Variants in EDDM3A observed in about 807,000 individuals in gnomAD.
The protein encoded by EDDM3A is epididymal secretory protein E3-alpha.
For synonymous variants in EDDM3A, 75 were observed against 60.4 expected (o/e 1.24, Z -1.12); for missense variants, 199 against 177.4 (o/e 1.12, Z -0.69).
At chr14:20,741,503 G>A (rs748338997), upstream of EDDM3A, among the ~76,000 whole-genome samples, 40 of 152,144 alleles carry the variant, frequency 2.6e-4, no homozygotes, top group Non-Finnish European at 4.4e-4. Flanking sequence ...ACCATGGCAC[G>A]GACCCACCAT....
chr14:20,741,616 T>C (rs1409863936), upstream of EDDM3A, among the ~76,000 whole-genome samples: 1 of 152,094 alleles, frequency 6.6e-6, no homozygotes, highest in Non-Finnish European at 1.5e-5. Flanking sequence ...AGGAAGGCCA[T>C]TGGAAAAAAG....
At chr14:20,737,450 T>C in the EDDM3A span, among the ~76,000 whole-genome samples, 1 of 152,106 alleles carries the variant, frequency 6.6e-6, no homozygotes, top group Non-Finnish European at 1.5e-5. Flanking sequence ...CTGTCATCTG[T>C]ATGTAAGCTA....
At chr14:20,737,309 A>C in the EDDM3A span, among the ~76,000 whole-genome samples, 1 of 151,748 alleles carries the variant, frequency 6.6e-6, no homozygotes, top group Non-Finnish European at 1.5e-5. Context: ...TGATCTGCCC[A>C]CCTCGGCTTC....
upstream of EDDM3A, among the ~76,000 whole-genome samples, chr14:20,741,176 A>C (rs187034487): frequency 1.9e-3 from 293 of 152,322 alleles, no homozygotes; most frequent in Middle Eastern, 6.8e-3. Context: ...AGCCTTAAGA[A>C]AGTTCAGGAA....
At chr14:20,739,121 C>T in the EDDM3A span, among the ~76,000 whole-genome samples, 5,466 of 152,212 alleles carry the variant, frequency 0.036, 343 homozygotes, top group African/African-American at 0.12. Context: ...TACCTTGTGG[C>T]GGCATATTCT....
At chr14:20,740,878 C>T in the EDDM3A span, among the ~76,000 whole-genome samples, 1 of 140,814 alleles carries the variant, frequency 7.1e-6, no homozygotes, top group East Asian at 1.9e-4. Flanking sequence ...CCTAATTTGG[C>T]CAGGGAACCA....
chr14:20,747,665 T>A lies in EDDM3A; in HGVS notation c.85T>A (p.Tyr29Asn). 1 of 1,614,174 alleles carries A rather than the reference T, an allele frequency of 6.2e-7. No individual in the cohort carries two copies. The highest frequency in any genetic ancestry group is 8.5e-7 in the Non-Finnish European group (1 of 1,180,016). Residue 29 changes from tyrosine to asparagine, a missense_variant, in exon 2 of 2, where the codon TAC becomes AAC. Coordinates refer to ENST00000326842, the MANE Select transcript of EDDM3A (RefSeq NM_006683.5). ...GCTGTGTGTATACAGTAACAACATT[T>A]ACTGGAGAGAATTCATAAAACTTCA... ...CRLCVYSNNIYWREFIKLHYL... is the reference protein window; with the variant it reads ...CRLCVYSNNINWREFIKLHYL...
chr14:20,745,781 G>A (rs1368765190), upstream of EDDM3A: 1 of 152,162 alleles, frequency 6.6e-6, no homozygotes, highest in African/African-American at 2.4e-5. Context: ...CAGATGAAAC[G>A]ATACAGGGAC....
the EDDM3A span, among the ~76,000 whole-genome samples, chr14:20,738,521 C>T: frequency 2.0e-5 from 3 of 149,818 alleles, no homozygotes; most frequent in African/African-American, 7.4e-5. Context: ...AGTAGCTCCT[C>T]CTCAATGGTC....
upstream of EDDM3A, among the ~76,000 whole-genome samples, chr14:20,742,512 C>G (rs1338813715): frequency 6.6e-6 from 1 of 152,204 alleles, no homozygotes; most frequent in Non-Finnish European, 1.5e-5. Context: ...GGTGTGTGGC[C>G]TGATGCCTAC....
the EDDM3A span, among the ~76,000 whole-genome samples, chr14:20,736,367 C>T: frequency 2.0e-5 from 3 of 152,186 alleles, no homozygotes; most frequent in Non-Finnish European, 2.9e-5. Flanking sequence ...ACCTCGGCCT[C>T]CCAAAGTGCT....
chr14:20,739,227 A>T, the EDDM3A span, among the ~76,000 whole-genome samples: 1 of 152,236 alleles, frequency 6.6e-6, no homozygotes, highest in Non-Finnish European at 1.5e-5. Flanking sequence ...TCAAAACAGT[A>T]TAGGAGGAAA....
chr14:20,744,030 T>C (rs532932211), upstream of EDDM3A, among the ~76,000 whole-genome samples: 8 of 152,206 alleles, frequency 5.3e-5, no homozygotes, highest in Non-Finnish European at 1.0e-4. Flanking sequence ...CCCACCTCTC[T>C]ACATTCATTG....
At chr14:20,745,104 T>C (rs1877542032), upstream of EDDM3A, among the ~76,000 whole-genome samples, 1 of 151,944 alleles carries the variant, frequency 6.6e-6, no homozygotes, top group Non-Finnish European at 1.5e-5. Context: ...TGCATGCCTA[T>C]AGTCCCAGCT....
chr14:20,743,076 T>C (rs1376254399), upstream of EDDM3A, among the ~76,000 whole-genome samples: 2 of 152,188 alleles, frequency 1.3e-5, no homozygotes, highest in Non-Finnish European at 2.9e-5. Context: ...AGATGTAATT[T>C]TCTGCACTGC....
At chr14:20,744,890 C>T (rs994292569), upstream of EDDM3A, among the ~76,000 whole-genome samples, 1 of 152,176 alleles carries the variant, frequency 6.6e-6, no homozygotes, top group African/African-American at 2.4e-5. Context: ...GATATTCTTT[C>T]ACCTCTCAAT....
chr14:20,747,513 T>G, intron 1 of EDDM3A, 42 bp from the exon 2 acceptor site: 9 of 1,280,238 alleles, frequency 7.0e-6, no homozygotes, highest in Non-Finnish European at 9.8e-6. Context: ...CTCAGCTCTC[T>G]GAGTATAGTC....
the EDDM3A span, among the ~76,000 whole-genome samples, chr14:20,737,767 G>C: frequency 6.6e-6 from 1 of 152,166 alleles, no homozygotes; most frequent in South Asian, 2.1e-4. Flanking sequence ...AAGGAAATAG[G>C]AGAAAGACAC....
intron 1 of EDDM3A, 87 bp from the exon 2 acceptor site, chr14:20,747,468 A>T: frequency 1.3e-6 from 1 of 770,178 alleles, no homozygotes; most frequent in Non-Finnish European, 2.1e-6. Context: ...GTGCCCAAGT[A>T]CCTGCTTGGC....
Sources: gnomAD v4.1 joint callset for allele counts (sites outside exome capture counted in the v4.1 genomes callset) on GRCh38, gnomAD v4.1.1 for gene constraint, MANE v1.5 for transcripts, NCBI Gene and HGNC (gene_info 2026-07-23, HGNC 2026-07-21) for gene names.